The following TSPEAR variants were observed in gnomAD, a reference collection of about 807,000 sequenced individuals.
The protein encoded by TSPEAR is thrombospondin type laminin G domain and EAR repeats.
In TSPEAR, 69 loss-of-function variants were observed where a neutral mutation model predicts 71.6. The ratio of observed to expected loss-of-function variants is 0.96; its 90% CI spans 0.79 to 1.18. The LOEUF (loss-of-function observed/expected upper bound fraction) is 1.18, where lower values mean the gene tolerates loss of function less well. Ranked by LOEUF, TSPEAR falls within the 50% of genes most tolerant of loss-of-function variation. TSPEAR has a pLI of 0.00. For synonymous variants in TSPEAR, 402 were observed against 387.2 expected, an observed-to-expected ratio of 1.04 and a Z score of -0.45; for missense variants, 971 against 894.9, an observed-to-expected ratio of 1.09 and a Z score of -1.09.
intron 1 of TSPEAR, among the ~76,000 whole-genome samples, chr21:44,589,341 G>T (rs1026270665): frequency 1.3e-5 from 2 of 152,136 alleles, no homozygotes. Context: ...GCTGTGTTTT[G>T]CTTTGTCCTC....
intron 1 of TSPEAR, among the ~76,000 whole-genome samples, chr21:44,674,506 C>A (rs1346535242): frequency 6.6e-6 from 1 of 152,018 alleles, no homozygotes; most frequent in Non-Finnish European, 1.5e-5. Context: ...CACTTGAGCC[C>A]AAGAGTTTGA....
In TSPEAR at chr21:44,603,261, C is replaced by T. The variant is rs7283951; in HGVS notation, c.83-35256G>A. ...ACCTGGCACTCCTCTGCCCCTACCC[C>T]GGCCCCTGTGCAGAAGAAATGAGCC... is the stretch of plus-strand genomic sequence containing the variant. On this transcript the variant is annotated intron_variant, in intron 1 of 11. Coordinates refer to ENST00000323084, the MANE Select transcript of TSPEAR (RefSeq NM_144991.3). Among the ~76,000 whole-genome samples, 199 of 152,128 alleles carry T rather than the reference C, an allele frequency of 1.3e-3. 2 individuals are homozygous for T. The highest frequency in any genetic ancestry group is 3.2e-3 in the Middle Eastern group (1 of 316).
Position 44,525,842 on chromosome 21 carries a change from G to T in TSPEAR, c.1150-3C>A. The T allele has an allele frequency of 1.9e-6, 3 of 1,614,022 alleles. No individual in the cohort carries two copies. Among genetic ancestry groups the T allele is most frequent in the Non-Finnish European group, 2.5e-6 (3 of 1,180,002 alleles). On this transcript the variant is annotated splice_region_variant and splice_polypyrimidine_tract_variant and intron_variant, in intron 7 of 11. Transcript: ENST00000323084. ...AAATTAGCCACTGCCAGGAAGATCT[G>T]AAAGAGAGTAAACCGGGACCACGTG...
chr21:44,600,695 G>A, intron 1 of TSPEAR: 3 of 1,613,690 alleles, frequency 1.9e-6, no homozygotes, highest in Non-Finnish European at 2.5e-6. Flanking sequence ...CCTGGTTCCT[G>A]TGACTCTTGC....
intron 1 of TSPEAR, among the ~76,000 whole-genome samples, chr21:44,668,013 G>A (rs587747479): frequency 1.3e-5 from 2 of 152,288 alleles, no homozygotes; most frequent in South Asian, 4.1e-4. Context: ...AACAAAGCCA[G>A]CATAGTACTA....
At chr21:44,515,441 CTTCT>C (rs2052535904) in intron 9 of TSPEAR, 1 of 152,404 alleles carries the variant, frequency 6.6e-6, no homozygotes, top group African/African-American at 2.4e-5. Flanking sequence ...GCCGTGCTTC[CTTCT>C]GTCTGCTGTG....
chr21:44,620,397 G>A (rs1555933315), intron 1 of TSPEAR, among the ~76,000 whole-genome samples: 1 of 152,250 alleles, frequency 6.6e-6, no homozygotes, highest in Non-Finnish European at 1.5e-5. Context: ...AGGTAGCCAT[G>A]TTGGTAGTTT....
intron 1 of TSPEAR, among the ~76,000 whole-genome samples, chr21:44,590,333 C>T (rs1555926278): frequency 6.7e-6 from 1 of 150,184 alleles, no homozygotes; most frequent in Non-Finnish European, 1.5e-5. Flanking sequence ...GAGCTGAGGG[C>T]TATTTGGAGA....
rs587678517 is a variant in TSPEAR at position 44,647,548 on chromosome 21, AG to A, written c.82+63884del. The A allele has an allele frequency of 4.5e-4, 317 of 701,766 alleles. 1 individual carries two copies. The African/African-American group carries it at 5.5e-3, about 12-fold the overall frequency. The allele number at this position is 701,766 out of a possible 1,614,324, so 43.5% of individuals were successfully genotyped here. On this transcript the variant is annotated intron_variant, in intron 1 of 11. Transcript: ENST00000323084. ...AGAGACAACCCACAAATCCCTCAGC[AG>A]GTGGACTGTGGCTTTCTGGAGCCCC...
At chr21:44,650,273 T>C (rs1169926965) in intron 1 of TSPEAR, among the ~76,000 whole-genome samples, 1 of 152,026 alleles carries the variant, frequency 6.6e-6, no homozygotes, top group East Asian at 1.9e-4. Context: ...ACTGTAAACA[T>C]GACCTTACGT....
intron 1 of TSPEAR, among the ~76,000 whole-genome samples, chr21:44,619,404 T>A (rs233268): frequency 0.87 from 132,607 of 152,220 alleles, 58,463 homozygotes; most frequent in Non-Finnish European, 0.94. Context: ...GAAATATCCC[T>A]TTGTAATTGT....
chr21:44,551,162 G>T, intron 2 of TSPEAR: 1 of 1,566,634 alleles, frequency 6.4e-7, no homozygotes, highest in Non-Finnish European at 8.7e-7. Context: ...CGGGCACGCA[G>T]CAGGCCTGCT....
chr21:44,554,997 T>C (rs1461766304), intron 2 of TSPEAR, among the ~76,000 whole-genome samples: 1 of 152,110 alleles, frequency 6.6e-6, no homozygotes, highest in Non-Finnish European at 1.5e-5. Context: ...AAAATAAGCA[T>C]AAAGGTAAAC....
At chr21:44,619,567 A>G (rs781995447) in intron 1 of TSPEAR, among the ~76,000 whole-genome samples, 2 of 152,274 alleles carry the variant, frequency 1.3e-5, no homozygotes, top group Non-Finnish European at 2.9e-5. Context: ...TCTCTTAAAC[A>G]TGTTTAAAAA....
intron 9 of TSPEAR, chr21:44,517,438 C>T (rs2052611760): frequency 8.2e-6 from 2 of 244,666 alleles, no homozygotes; most frequent in Middle Eastern, 1.5e-3. Flanking sequence ...GTGACTGGCA[C>T]TAGCCAATGA....
chr21:44,503,717 C>CAGT (rs2052108685), intron 11 of TSPEAR, among the ~76,000 whole-genome samples: 1 of 124,704 alleles, frequency 8.0e-6, no homozygotes, highest in Non-Finnish European at 1.7e-5. Context: ...GGTGAGCCCT[C>CAGT]GGCGGGAAGC....
chr21:44,499,478 G>C lies in TSPEAR; in HGVS notation c.*305C>G, dbSNP rs1273828159. ...AGGTCCTGTTGTTTGAGGTAAAAAT[G>C]TATAGAAACGGTTCCTTGACAGCGA... On this transcript the variant is annotated 3_prime_UTR_variant, in exon 12 of 12. Coordinates refer to ENST00000323084, the MANE Select transcript of TSPEAR (RefSeq NM_144991.3). 5 of 353,080 alleles carry C rather than the reference G, an allele frequency of 1.4e-5. No homozygotes were observed. The highest frequency in any genetic ancestry group is 2.1e-5 in the Non-Finnish European group (4 of 193,482). The allele number at this position is 353,080 out of a possible 1,614,324, so 21.9% of individuals were successfully genotyped here.
chr21:44,667,322 T>A (rs1482362205), intron 1 of TSPEAR, among the ~76,000 whole-genome samples: 3 of 152,074 alleles, frequency 2.0e-5, no homozygotes, highest in Non-Finnish European at 4.4e-5. Context: ...CAATGTGAGG[T>A]AGAACAGGAC....
intron 1 of TSPEAR, among the ~76,000 whole-genome samples, chr21:44,597,410 CTCTTTT>C (rs1331622710): frequency 3.4e-5 from 5 of 148,520 alleles, no homozygotes; most frequent in African/African-American, 1.3e-4. Context: ...GCTTTCTGTG[CTCTTTT>C]TCTTTTTCTT....
Sources: allele counts gnomAD v4.1 joint callset (sites outside exome capture counted in the v4.1 genomes callset), GRCh38; gene constraint gnomAD v4.1.1; transcripts MANE v1.5; gene names NCBI Gene and HGNC (gene_info 2026-07-23, HGNC 2026-07-21).